The following ANGPT1 variants were observed in gnomAD, a reference collection of about 807,000 sequenced individuals.
ANGPT1 encodes angiopoietin-1.
ANGPT1 carries 17 observed loss-of-function variants against 62.2 expected under a neutral mutation model. The observed-to-expected ratio is 0.27, with a 90% CI of 0.19 to 0.41. The LOEUF is 0.41. Among genes scored for constraint, ANGPT1 ranks in the 10% least tolerant of loss-of-function variants. The pLI is 1.00. For synonymous variants in ANGPT1, 199 were observed against 198.9 expected (o/e 1.00, Z 0.00); for missense variants, 478 against 594.9 (o/e 0.80, Z 2.04).
chr8:107,425,976 T>C (rs1811031526), intron 1 of ANGPT1, among the ~76,000 whole-genome samples: 1 of 152,090 alleles, frequency 6.6e-6, no homozygotes. Context: ...GTAATCCTCT[T>C]GGAAAATGAA....
At chr8:107,345,869 C>T (rs1025305707) in intron 2 of ANGPT1, among the ~76,000 whole-genome samples, 2 of 152,114 alleles carry the variant, frequency 1.3e-5, no homozygotes, top group African/African-American at 4.8e-5. Flanking sequence ...GTAATCAATA[C>T]TTAAGTTCTT....
chr8:107,417,459 C>T (rs1482865932), intron 1 of ANGPT1, among the ~76,000 whole-genome samples: 2 of 152,080 alleles, frequency 1.3e-5, no homozygotes, highest in East Asian at 1.9e-4. Flanking sequence ...TTGCCAAATT[C>T]CTTCTCTTTG....
At chr8:107,253,704 G>A (rs755682486) in intron 8 of ANGPT1, among the ~76,000 whole-genome samples, 4 of 152,128 alleles carry the variant, frequency 2.6e-5, no homozygotes, top group Non-Finnish European at 5.9e-5. Flanking sequence ...AGTCACAGGA[G>A]TCCCAGAGGA....
intron 1 of ANGPT1, among the ~76,000 whole-genome samples, chr8:107,464,444 A>G (rs1812149590): frequency 6.6e-6 from 1 of 152,112 alleles, no homozygotes; most frequent in Admixed American, 6.6e-5. Flanking sequence ...AAAAAAGTGT[A>G]TTCATTCATT....
intron 1 of ANGPT1, among the ~76,000 whole-genome samples, chr8:107,371,056 T>C (rs1816399923): frequency 6.6e-6 from 1 of 152,160 alleles, no homozygotes; most frequent in African/African-American, 2.4e-5. Context: ...TTTGGTATAA[T>C]TTGTTAGGCA....
intron 1 of ANGPT1, among the ~76,000 whole-genome samples, chr8:107,473,623 A>G (rs1252510565): frequency 6.6e-6 from 1 of 152,088 alleles, no homozygotes; most frequent in Admixed American, 6.6e-5. Context: ...AGTAGGATTC[A>G]CTCAATTCTG....
At chr8:107,461,441 T>C (rs933975555) in intron 1 of ANGPT1, among the ~76,000 whole-genome samples, 1 of 152,172 alleles carries the variant, frequency 6.6e-6, no homozygotes, top group Non-Finnish European at 1.5e-5. Context: ...TCCTATCACA[T>C]TTTAATTTGT....
intron 1 of ANGPT1, among the ~76,000 whole-genome samples, chr8:107,373,299 A>G (rs954029884): frequency 9.9e-5 from 15 of 151,274 alleles, no homozygotes; most frequent in Admixed American, 2.6e-4. Context: ...TAGAGAGTGT[A>G]TTTGGAGGAG....
At chr8:107,374,947 G>A (rs1816497948) in intron 1 of ANGPT1, among the ~76,000 whole-genome samples, 1 of 152,174 alleles carries the variant, frequency 6.6e-6, no homozygotes, top group Non-Finnish European at 1.5e-5. Context: ...GGATCACGAG[G>A]TCAGGAGATT....
intron 7 of ANGPT1, among the ~76,000 whole-genome samples, chr8:107,272,143 G>A (rs1461977838): frequency 6.6e-6 from 1 of 151,974 alleles, no homozygotes; most frequent in Non-Finnish European, 1.5e-5. Flanking sequence ...ATGTCCTGAG[G>A]TAGATATGCT....
intron 1 of ANGPT1, among the ~76,000 whole-genome samples, chr8:107,412,263 T>A (rs896464937): frequency 1.2e-4 from 19 of 152,146 alleles, no homozygotes; most frequent in African/African-American, 4.3e-4. Context: ...AAGCCAAACA[T>A]TGCTAAGAAT....
intron 1 of ANGPT1, among the ~76,000 whole-genome samples, chr8:107,473,881 T>C (rs1009973194): frequency 3.3e-5 from 5 of 151,852 alleles, no homozygotes; most frequent in African/African-American, 4.8e-5. Context: ...GGAACGGGAA[T>C]GGAATGTGAG....
At chr8:107,429,923 T>TAACAAAAAGCAATAAAAAGGTAACAAAA (rs768847722) in intron 1 of ANGPT1, among the ~76,000 whole-genome samples, 18,029 of 151,856 alleles carry the variant, frequency 0.12, 1,434 homozygotes, top group East Asian at 0.44. Context: ...AAGAATCACA[T>TAACAAAAAGCAATAAAAAGGTAACAAAA]AGTTGGGTCA....
intron 1 of ANGPT1, among the ~76,000 whole-genome samples, chr8:107,378,220 G>T (rs1816566370): frequency 6.6e-6 from 1 of 152,094 alleles, no homozygotes; most frequent in Non-Finnish European, 1.5e-5. Context: ...TTTATACTTT[G>T]TTGTTGTCAT....
At chr8:107,331,211 G>A (rs938963805) in intron 3 of ANGPT1, among the ~76,000 whole-genome samples, 4 of 151,926 alleles carry the variant, frequency 2.6e-5, no homozygotes, top group Non-Finnish European at 4.4e-5. Flanking sequence ...AATTAGTAAG[G>A]CATAATTTGG....
At chr8:107,302,479 A>G (rs1814615912) in intron 5 of ANGPT1, among the ~76,000 whole-genome samples, 1 of 151,926 alleles carries the variant, frequency 6.6e-6, no homozygotes, top group Non-Finnish European at 1.5e-5. Context: ...ACTTATTGAC[A>G]GCATTTTATA....
intron 8 of ANGPT1, among the ~76,000 whole-genome samples, chr8:107,256,747 C>T (rs1253695423): frequency 1.3e-5 from 2 of 152,050 alleles, no homozygotes; most frequent in Non-Finnish European, 2.9e-5. Context: ...CCTGAAAGAA[C>T]TCAATGATGC....
At chr8:107,280,351 C>T (rs1813975437) in intron 7 of ANGPT1, among the ~76,000 whole-genome samples, 1 of 152,088 alleles carries the variant, frequency 6.6e-6, no homozygotes, top group Admixed American at 6.6e-5. Context: ...TAGGCATGTG[C>T]TACCACGCCC....
At chr8:107,297,050 CCTT>C (rs1814433102) in intron 5 of ANGPT1, among the ~76,000 whole-genome samples, 1 of 151,276 alleles carries the variant, frequency 6.6e-6, no homozygotes, top group South Asian at 2.1e-4. Flanking sequence ...AGACAACTTT[CCTT>C]CTAAACAGAG....
Sources: allele counts gnomAD v4.1 joint callset (sites outside exome capture counted in the v4.1 genomes callset), GRCh38; gene constraint gnomAD v4.1.1; transcripts MANE v1.5; gene names NCBI Gene and HGNC (gene_info 2026-07-23, HGNC 2026-07-21).